The following NKAIN1 variants were observed in gnomAD, a reference collection of about 807,000 sequenced individuals.
NKAIN1 encodes sodium/potassium-transporting ATPase subunit beta-1-interacting protein 1.
In NKAIN1, 13 loss-of-function variants were observed where a neutral mutation model predicts 31.6. The ratio of observed to expected loss-of-function variants is 0.41; its 90% CI spans 0.27 to 0.65. The LOEUF (loss-of-function observed/expected upper bound fraction) is 0.65. Ranked by LOEUF, NKAIN1 falls within the 30% of genes least tolerant of loss-of-function variation. The pLI is 0.30. For synonymous variants in NKAIN1, 104 were observed against 109.0 expected, an observed-to-expected ratio of 0.95 and a Z score of 0.28; for missense variants, 193 against 262.2, an observed-to-expected ratio of 0.74 and a Z score of 1.82.
intron 1 of NKAIN1, among the ~76,000 whole-genome samples, chr1:31,201,670 C>A (rs945703666): frequency 6.6e-6 from 1 of 152,092 alleles, no homozygotes; most frequent in Non-Finnish European, 1.5e-5. Flanking sequence ...CAATCCTACC[C>A]CTTTTTATAA....
At chr1:31,214,982 T>C (rs898328366) in intron 1 of NKAIN1, among the ~76,000 whole-genome samples, 18 of 152,154 alleles carry the variant, frequency 1.2e-4, no homozygotes, top group African/African-American at 4.1e-4. Context: ...GTTAAGCACC[T>C]ACGGTGGGGA....
At chr1:31,199,114 T>C (rs916499439) in intron 1 of NKAIN1, among the ~76,000 whole-genome samples, 3 of 152,226 alleles carry the variant, frequency 2.0e-5, no homozygotes, top group Non-Finnish European at 2.9e-5. Context: ...AGATGAGGGA[T>C]GGACCCTTGA....
chr1:31,181,745 G>C lies in NKAIN1; in HGVS notation c.615-33C>G, dbSNP rs779252849. On this transcript the variant is annotated intron_variant, in intron 6 of 6. Coordinates refer to ENST00000373736, the MANE Select transcript of NKAIN1 (RefSeq NM_024522.3). ...AAACAAAGGCAGGTTAGGGAGAGTGGATCCCAAAAGTATGGGGGCGGAGAG... is the reference window on the plus strand; with the variant it reads ...AAACAAAGGCAGGTTAGGGAGAGTGCATCCCAAAAGTATGGGGGCGGAGAG... The C allele has an allele frequency of 3.9e-6, 6 of 1,524,710 alleles. No homozygotes were observed. The Middle Eastern group carries it at 6.8e-4, about 173-fold the overall frequency. 94.4% of individuals were successfully genotyped at this position (1,524,710 alleles called of 1,614,324 possible).
At chr1:31,220,553 G>A (rs1460865192) in intron 1 of NKAIN1, among the ~76,000 whole-genome samples, 2 of 151,838 alleles carry the variant, frequency 1.3e-5, no homozygotes, top group African/African-American at 4.8e-5. Context: ...TCAGGAGTTT[G>A]AGACCAGCCT....
intron 1 of NKAIN1, among the ~76,000 whole-genome samples, chr1:31,193,621 G>C (rs1474612571): frequency 6.6e-6 from 1 of 151,920 alleles, no homozygotes; most frequent in East Asian, 2.0e-4. Context: ...ACTTGAACCC[G>C]GGAGGTGGAG....
chr1:31,196,845 C>T lies in NKAIN1; in HGVS notation c.55-8658G>A, dbSNP rs116860718. ...TTTTCTGGCTTTTGCCCCATGGCAC[C>T]GTCCCAGAGGCAGGATGACCTAGTG... On this transcript the variant is annotated intron_variant, in intron 1 of 6. Coordinates refer to ENST00000373736, the MANE Select transcript of NKAIN1 (RefSeq NM_024522.3). Among the ~76,000 whole-genome samples the T allele has an allele frequency of 4.2e-3, 642 of 152,218 alleles. 38 individuals are homozygous for T. The East Asian group carries it at 0.099, about 23-fold the overall frequency.
At chr1:31,234,333 T>C (rs1272309076) in intron 1 of NKAIN1, among the ~76,000 whole-genome samples, 9 of 152,140 alleles carry the variant, frequency 5.9e-5, no homozygotes, top group Non-Finnish European at 1.3e-4. Context: ...TGCAGGCCCC[T>C]GCTGGAGCCC....
At chr1:31,185,872 T>C (rs1645237765) in intron 2 of NKAIN1, among the ~76,000 whole-genome samples, 1 of 152,134 alleles carries the variant, frequency 6.6e-6, no homozygotes, top group African/African-American at 2.4e-5. Flanking sequence ...GGACTCTGAC[T>C]GCCTGGCTCA....
At chr1:31,224,361 C>T (rs1353270979) in intron 1 of NKAIN1, among the ~76,000 whole-genome samples, 1 of 152,216 alleles carries the variant, frequency 6.6e-6, no homozygotes, top group Non-Finnish European at 1.5e-5. Flanking sequence ...GTGCCAGTGT[C>T]CGCCCCACAA....
In NKAIN1 at chr1:31,231,782, G is replaced by A. The variant is rs558567800; in HGVS notation, c.54+7712C>T. 3.1e-3 allele frequency among the ~76,000 whole-genome samples: 478 copies of A among 152,184 alleles called. 2 individuals carry two copies. The highest frequency in any genetic ancestry group is 4.2e-3 in the Non-Finnish European group (289 of 68,020). On this transcript the variant is annotated intron_variant, in intron 1 of 6. Coordinates refer to ENST00000373736, the MANE Select transcript of NKAIN1 (RefSeq NM_024522.3). ...CCTGACCTTGTGATCCGCCCGCCTT[G>A]GCCTCCCAAAGTGCCGGGATTACAA...
intron 1 of NKAIN1, among the ~76,000 whole-genome samples, chr1:31,191,384 T>C (rs933718011): frequency 1.4e-5 from 2 of 143,290 alleles, no homozygotes; most frequent in African/African-American, 2.5e-5. Flanking sequence ...ACCTTATTGA[T>C]AGAAAACAGA....
rs920731834 is a variant in NKAIN1, at chr1:31,181,559, G to C, written c.*144C>G. 4.4e-6 allele frequency: 3 copies of C among 686,896 alleles called. No individual in the cohort carries two copies. Among genetic ancestry groups the C allele is most frequent in the Non-Finnish European group, 4.3e-6 (2 of 469,212 alleles). The allele number at this position is 686,896 out of a possible 1,614,324, so 42.6% of individuals were successfully genotyped here. On this transcript the variant is annotated 3_prime_UTR_variant, in exon 7 of 7. Transcript: ENST00000373736. ...CAAGTCCAAGTCCACGTCCAAGTCC[G>C]CATCTCCAGATGCAGACGCGGGGTT...
At chr1:31,234,262 C>T (rs1022703384) in intron 1 of NKAIN1, among the ~76,000 whole-genome samples, 11 of 152,202 alleles carry the variant, frequency 7.2e-5, no homozygotes, top group African/African-American at 9.6e-5. Flanking sequence ...CCTCAAGCAC[C>T]CGAAGCAGAA....
intron 1 of NKAIN1, among the ~76,000 whole-genome samples, chr1:31,189,442 G>A (rs1302560799): frequency 3.3e-5 from 5 of 151,994 alleles, no homozygotes; most frequent in South Asian, 2.1e-4. Flanking sequence ...TCAGCCTCCC[G>A]AGTAGCTGGG....
At chr1:31,191,421 T>TA (rs1645285518) in intron 1 of NKAIN1, among the ~76,000 whole-genome samples, 1 of 109,474 alleles carries the variant, frequency 9.1e-6, no homozygotes, top group African/African-American at 2.8e-5. Context: ...TTTTTTTTTT[T>TA]AAAGCAGTAG....
chr1:31,218,352 G>A (rs1053364165), intron 1 of NKAIN1, among the ~76,000 whole-genome samples: 10 of 151,970 alleles, frequency 6.6e-5, no homozygotes, highest in African/African-American at 1.2e-4. Flanking sequence ...ATGAGCCACC[G>A]CACCTGGCCG....
In NKAIN1 at chr1:31,239,532, C is replaced by G; in HGVS notation, c.16G>C (p.Gly6Arg). ...CAGAAGGCGACCAGCGTGCAGCGCCCGCTGCACTTGCCCATGGCTCCGGGG... is the reference window on the plus strand; with the variant it reads ...CAGAAGGCGACCAGCGTGCAGCGCCGGCTGCACTTGCCCATGGCTCCGGGG... MGKCSGRCTLVAFCCL... is the reference protein window; with the variant it reads MGKCSRRCTLVAFCCL... The change falls in exon 1 of 7, where the codon GGG (glycine) becomes CGG (arginine). Residue 6 changes from glycine to arginine, a missense_variant. Gly to Arg is a moderately radical substitution (Grantham distance 125). Coordinates refer to ENST00000373736, the MANE Select transcript of NKAIN1 (RefSeq NM_024522.3). The surrounding 1 kb of genome is among the most constrained non-coding windows in gnomAD (Gnocchi z 4.8). The G allele has an allele frequency of 7.4e-7, 1 of 1,353,188 alleles. No individual in the cohort carries two copies. The highest frequency in any genetic ancestry group is 1.8e-5 in the South Asian group (1 of 56,108). 83.8% of individuals were successfully genotyped at this position (1,353,188 alleles called of 1,614,324 possible). A position where few individuals can be genotyped will look rare whatever the true frequency, so the allele number is the denominator to read the frequency against.
At chr1:31,205,509 A>C (rs1645416736) in intron 1 of NKAIN1, among the ~76,000 whole-genome samples, 1 of 150,858 alleles carries the variant, frequency 6.6e-6, no homozygotes. Flanking sequence ...GGGTTTCACT[A>C]TGTTGGCCAG....
intron 1 of NKAIN1, among the ~76,000 whole-genome samples, chr1:31,236,719 C>T (rs902013612): frequency 6.6e-6 from 1 of 152,198 alleles, no homozygotes; most frequent in Admixed American, 6.5e-5. Flanking sequence ...GAATGCCACC[C>T]AGGTCTCATC....
Sources: allele counts gnomAD v4.1 joint callset (sites outside exome capture counted in the v4.1 genomes callset), GRCh38; gene constraint gnomAD v4.1.1; non-coding constraint Gnocchi (gnomAD v3.1); transcripts MANE v1.5; gene names NCBI Gene and HGNC (gene_info 2026-07-23, HGNC 2026-07-21).